Variants in SH3BGRL2 observed in about 807,000 individuals in gnomAD.
The protein encoded by SH3BGRL2 is SH3 domain binding glutamate rich protein like 2.
In SH3BGRL2, 21 loss-of-function variants were observed where a neutral mutation model predicts 14.8. That is an observed-to-expected ratio of 1.42 (90% CI 1.01 to 2.05). SH3BGRL2 has a LOEUF of 2.05. SH3BGRL2 is among the 30% of genes most tolerant of loss of function. The pLI is 0.00. For missense variants in SH3BGRL2, 147 were observed against 130.8 expected (o/e 1.12, Z -0.61); for synonymous variants, 50 against 47.8 (o/e 1.05, Z -0.19).
intron 2 of SH3BGRL2, among the ~76,000 whole-genome samples, chr6:79,680,488 A>G (rs1769967441): frequency 2.0e-5 from 3 of 152,176 alleles, no homozygotes; most frequent in Admixed American, 2.0e-4. Context: ...GCTTTGTAAT[A>G]TGTTTTGAAA....
chr6:79,545,038 T>A, the SH3BGRL2 span, among the ~76,000 whole-genome samples: 2 of 152,214 alleles, frequency 1.3e-5, no homozygotes, highest in South Asian at 4.1e-4. Context: ...CTAGTTCTAT[T>A]TCTGGCTAGG....
At chr6:79,591,011 A>G in the SH3BGRL2 span, among the ~76,000 whole-genome samples, 173 of 152,320 alleles carry the variant, frequency 1.1e-3, no homozygotes, top group African/African-American at 3.8e-3. Context: ...TCTGAATACC[A>G]GTTTTGCTTT....
At chr6:79,549,801 A>G in the SH3BGRL2 span, among the ~76,000 whole-genome samples, 2 of 152,220 alleles carry the variant, frequency 1.3e-5, no homozygotes, top group African/African-American at 4.8e-5. Flanking sequence ...AAATTGAAAT[A>G]TATTATTTTA....
At chr6:79,538,075 T>A in the SH3BGRL2 span, among the ~76,000 whole-genome samples, 1 of 133,924 alleles carries the variant, frequency 7.5e-6, no homozygotes, top group Non-Finnish European at 1.5e-5. Flanking sequence ...TTGAGGAGCA[T>A]GTCAGCCTAT....
rs1009095862 is a variant in SH3BGRL2 at position 79,631,431 on chromosome 6, G to T, written c.-31G>T. The T allele has an allele frequency of 2.6e-6, 4 of 1,514,500 alleles. No homozygotes were observed. Among genetic ancestry groups the T allele is most frequent in the East Asian group, 2.7e-5 (1 of 36,648 alleles). The allele number at this position is 1,514,500 out of a possible 1,614,324, so 93.8% of individuals were successfully genotyped here. A position where few individuals can be genotyped will look rare whatever the true frequency, so the allele number is the denominator to read the frequency against. On this transcript the variant is annotated 5_prime_UTR_variant, in exon 1 of 4. Transcript: ENST00000369838. ...TCCACGCCAGCCCGGAGCCCGGGGG[G>T]CAAGGGGTCTGTCCCGGGCGCAGCG...
intron 1 of SH3BGRL2, among the ~76,000 whole-genome samples, chr6:79,638,016 A>G (rs1222799181): frequency 6.6e-6 from 1 of 152,168 alleles, no homozygotes; most frequent in Non-Finnish European, 1.5e-5. Context: ...ATAATTATAC[A>G]TATTTATGGG....
At chr6:79,677,327 G>A (rs1769905510) in intron 2 of SH3BGRL2, among the ~76,000 whole-genome samples, 1 of 152,190 alleles carries the variant, frequency 6.6e-6, no homozygotes. Flanking sequence ...GAGGCATAGA[G>A]TAAACAGCTG....
the SH3BGRL2 span, among the ~76,000 whole-genome samples, chr6:79,621,643 A>G: frequency 6.6e-6 from 1 of 152,316 alleles, no homozygotes; most frequent in Non-Finnish European, 1.5e-5. Flanking sequence ...GGCAGTCACT[A>G]TTTGTTGCCA....
intron 2 of SH3BGRL2, among the ~76,000 whole-genome samples, chr6:79,677,305 A>G (rs1039779070): frequency 1.3e-5 from 2 of 152,134 alleles, no homozygotes; most frequent in African/African-American, 4.8e-5. Context: ...AACCTGGGTG[A>G]GCTAGGCATG....
the SH3BGRL2 span, among the ~76,000 whole-genome samples, chr6:79,614,760 GTA>G: frequency 6.6e-6 from 1 of 152,164 alleles, no homozygotes; most frequent in Non-Finnish European, 1.5e-5. Context: ...GTGGGAAAAG[GTA>G]TATGTTTTGT....
chr6:79,640,714 C>A (rs1241469164), intron 1 of SH3BGRL2, among the ~76,000 whole-genome samples: 1 of 151,960 alleles, frequency 6.6e-6, no homozygotes, highest in African/African-American at 2.4e-5. Context: ...CCTCTGCCAG[C>A]ATTGCTTCTC....
At chr6:79,660,911 T>C (rs1399802164) in intron 1 of SH3BGRL2, among the ~76,000 whole-genome samples, 2 of 152,238 alleles carry the variant, frequency 1.3e-5, no homozygotes, top group African/African-American at 4.8e-5. Context: ...TTCTAAATTT[T>C]CTAGTTTATT....
At chr6:79,586,904 T>C in the SH3BGRL2 span, among the ~76,000 whole-genome samples, 1 of 152,252 alleles carries the variant, frequency 6.6e-6, no homozygotes, top group Non-Finnish European at 1.5e-5. Flanking sequence ...ATAGTGTCTA[T>C]AACTGCAAGT....
chr6:79,692,353 T>C (rs1199071779), intron 2 of SH3BGRL2, among the ~76,000 whole-genome samples: 1 of 152,212 alleles, frequency 6.6e-6, no homozygotes, highest in Non-Finnish European at 1.5e-5. Context: ...AGAAGCTCTT[T>C]AGTTTAATTA....
At chr6:79,569,468 G>C in the SH3BGRL2 span, among the ~76,000 whole-genome samples, 1 of 152,170 alleles carries the variant, frequency 6.6e-6, no homozygotes, top group Non-Finnish European at 1.5e-5. Context: ...GCATTTCAAA[G>C]AAATATATTT....
At chr6:79,653,088 A>G (rs1371150478) in intron 1 of SH3BGRL2, among the ~76,000 whole-genome samples, 1 of 152,228 alleles carries the variant, frequency 6.6e-6, no homozygotes, top group East Asian at 1.9e-4. Flanking sequence ...GTCTGAGTAG[A>G]TAAACAGCAT....
chr6:79,588,929 T>G, the SH3BGRL2 span, among the ~76,000 whole-genome samples: 4 of 152,072 alleles, frequency 2.6e-5, no homozygotes, highest in South Asian at 8.3e-4. Flanking sequence ...TTTGAGAATT[T>G]AAAAAGAATT....
chr6:79,592,587 G>A, the SH3BGRL2 span, among the ~76,000 whole-genome samples: 2 of 152,136 alleles, frequency 1.3e-5, no homozygotes, highest in East Asian at 3.8e-4. Flanking sequence ...AGAGATGACA[G>A]CAGATATAAA....
chr6:79,626,265 A>G, the SH3BGRL2 span, among the ~76,000 whole-genome samples: 1 of 152,330 alleles, frequency 6.6e-6, no homozygotes, highest in Admixed American at 6.5e-5. Flanking sequence ...ATAAGTAAAT[A>G]AATAAAAATA....
Sources: allele counts gnomAD v4.1 joint callset (sites outside exome capture counted in the v4.1 genomes callset), GRCh38; gene constraint gnomAD v4.1.1; transcripts MANE v1.5; gene names NCBI Gene and HGNC (gene_info 2026-07-23, HGNC 2026-07-21).